Variants in CACNA1D observed in about 807,000 individuals in gnomAD.
The protein encoded by CACNA1D is voltage-dependent L-type calcium channel subunit alpha-1D.
In CACNA1D, 55 loss-of-function variants were observed where a neutral mutation model predicts 257.1. The ratio of observed to expected loss-of-function variants is 0.21; its 90% CI spans 0.17 to 0.27. The LOEUF (loss-of-function observed/expected upper bound fraction) is 0.27, where lower values mean the gene tolerates loss of function less well. Ranked by LOEUF, CACNA1D falls within the 10% of genes least tolerant of loss-of-function variation. The pLI is 1.00. For synonymous variants in CACNA1D, 980 were observed against 1,014.9 expected (o/e 0.97, Z 0.65); for missense variants, 1,876 against 2,784.0 (o/e 0.67, Z 7.34).
At chr3:53,502,438 T>C (rs2090644641) in intron 3 of CACNA1D, among the ~76,000 whole-genome samples, 1 of 152,000 alleles carries the variant, frequency 6.6e-6, no homozygotes, top group Non-Finnish European at 1.5e-5. Flanking sequence ...AGCTAGTCCC[T>C]AAAAGTAATC....
chr3:53,544,889 G>A (rs1051323284), intron 3 of CACNA1D, among the ~76,000 whole-genome samples: 14 of 152,298 alleles, frequency 9.2e-5, no homozygotes, highest in South Asian at 8.3e-4. Flanking sequence ...CCACTGGAGC[G>A]TCTACCTCAT....
At chr3:53,687,057 A>G (rs887672694) in intron 8 of CACNA1D, among the ~76,000 whole-genome samples, 5 of 152,020 alleles carry the variant, frequency 3.3e-5, no homozygotes, top group African/African-American at 1.2e-4. Context: ...TAGCATTCCT[A>G]ATAGGAATGA....
intron 3 of CACNA1D, among the ~76,000 whole-genome samples, chr3:53,554,080 C>T (rs868633478): frequency 3.3e-5 from 5 of 151,816 alleles, no homozygotes; most frequent in Middle Eastern, 3.4e-3. Context: ...CCTATAGTCC[C>T]AGCTACTTGG....
In CACNA1D at chr3:53,533,438, T is replaced by C. The variant is rs2092013720; in HGVS notation, c.483+31718T>C. Among the ~76,000 whole-genome samples the C allele has an allele frequency of 1.3e-5, 2 of 152,230 alleles. 1 individual carries two copies. Among genetic ancestry groups the C allele is most frequent in the South Asian group, 4.1e-4 (2 of 4,830 alleles). On this transcript the variant is annotated intron_variant, in intron 3 of 47. Coordinates refer to ENST00000350061, the MANE Select transcript of CACNA1D (RefSeq NM_001128840.3). The stretch of plus-strand genomic sequence containing the variant: ...ATTTTTGTATTCTCTTGTATTATGT[T>C]ATTCCCTATCAGATGGTCTTTGCAG...
At chr3:53,503,035 A>T (rs1250363222) in intron 3 of CACNA1D, among the ~76,000 whole-genome samples, 1 of 152,176 alleles carries the variant, frequency 6.6e-6, no homozygotes, top group Non-Finnish European at 1.5e-5. Context: ...TGGCTTCTGA[A>T]GATAGTGAAA....
intron 3 of CACNA1D, among the ~76,000 whole-genome samples, chr3:53,552,500 C>T (rs960008181): frequency 1.3e-5 from 2 of 152,206 alleles, no homozygotes. Flanking sequence ...CCTGCCTCAA[C>T]CTCCCAAGTA....
intron 3 of CACNA1D, among the ~76,000 whole-genome samples, chr3:53,616,178 C>A (rs1325161113): frequency 6.6e-6 from 1 of 152,120 alleles, no homozygotes. Context: ...AAGGGCTGTG[C>A]ACGTAGCAGG....
chr3:53,541,485 G>A (rs1310752239), intron 3 of CACNA1D, among the ~76,000 whole-genome samples: 1 of 152,130 alleles, frequency 6.6e-6, no homozygotes, highest in Non-Finnish European at 1.5e-5. Context: ...ATCCCCTGTC[G>A]TGTTGTGAAA....
chr3:53,643,891 G>A lies in CACNA1D; in HGVS notation c.484-6888G>A, dbSNP rs547447499. 4.3e-4 allele frequency among the ~76,000 whole-genome samples: 65 copies of A among 152,280 alleles called. 1 individual carries two copies. Among genetic ancestry groups the A allele is most frequent in the African/African-American group, 1.5e-3 (63 of 41,570 alleles). On this transcript the variant is annotated intron_variant, in intron 3 of 47. Transcript: ENST00000350061. ...GGAACACCCTGCCTGGAGCAGGGAG[G>A]GCCATGATGAGGGAGCAGGTGGCTG...
rs73842070 is a variant in CACNA1D at position 53,694,430 on chromosome 3, T to G, written c.1221-8211T>G. 7.5e-3 allele frequency among the ~76,000 whole-genome samples: 1,141 copies of G among 152,226 alleles called. 10 individuals are homozygous for G. The highest frequency in any genetic ancestry group is 0.025 in the African/African-American group (1,047 of 41,526). On this transcript the variant is annotated intron_variant, in intron 8 of 47. Transcript: ENST00000350061. ...GAGCAGAGCTGGGCTTTATGCCCTG[T>G]CCTCCCTCCCTGGTCCTGATTCATG...
At chr3:53,725,842 C>T (rs1559577546) in intron 14 of CACNA1D, among the ~76,000 whole-genome samples, 1 of 152,148 alleles carries the variant, frequency 6.6e-6, no homozygotes, top group Non-Finnish European at 1.5e-5. Context: ...GATAAAGGAG[C>T]TCTGTCTGTC....
chr3:53,776,784 C>G, intron 36 of CACNA1D, 54 bp downstream of exon 36: 1 of 1,613,956 alleles, frequency 6.2e-7, no homozygotes. Flanking sequence ...GGAATGTCAG[C>G]TTTTTTTGTG....
chr3:53,635,021 T>C (rs2093865828), intron 3 of CACNA1D, among the ~76,000 whole-genome samples: 1 of 152,174 alleles, frequency 6.6e-6, no homozygotes, highest in African/African-American at 2.4e-5. Context: ...AAACATATGT[T>C]AAAAATTACA....
At chr3:53,738,790 G>A (rs1408382623) in intron 20 of CACNA1D, among the ~76,000 whole-genome samples, 1 of 151,978 alleles carries the variant, frequency 6.6e-6, no homozygotes, top group East Asian at 1.9e-4. Flanking sequence ...TGCAAGCAGA[G>A]TGAGGGAAAA....
chr3:53,614,303 G>C (rs921613541), intron 3 of CACNA1D, among the ~76,000 whole-genome samples: 1 of 152,168 alleles, frequency 6.6e-6, no homozygotes, highest in Non-Finnish European at 1.5e-5. Context: ...AGTCTCTCTG[G>C]TCCTGTGCTG....
intron 29 of CACNA1D, among the ~76,000 whole-genome samples, chr3:53,758,264 T>G (rs1214816672): frequency 6.6e-6 from 1 of 152,192 alleles, no homozygotes; most frequent in Non-Finnish European, 1.5e-5. Flanking sequence ...GGTTATCACT[T>G]GGGTCAAATG....
chr3:53,570,397 T>C lies in CACNA1D; in HGVS notation c.483+68677T>C, dbSNP rs1470729954. 2.6e-5 allele frequency among the ~76,000 whole-genome samples: 4 copies of C among 152,350 alleles called. No homozygotes were observed. In the East Asian group the frequency reaches 7.7e-4, roughly 29 times the overall value. On this transcript the variant is annotated intron_variant, in intron 3 of 47. Coordinates refer to ENST00000350061, the MANE Select transcript of CACNA1D (RefSeq NM_001128840.3). ...TCCATGAATACTTGGTTACTTGTTT[T>C]TGCTCCAGAGATACTTAACTGAACT...
chr3:53,783,587 T>C (rs1183029934), intron 39 of CACNA1D, among the ~76,000 whole-genome samples: 2 of 152,186 alleles, frequency 1.3e-5, no homozygotes, highest in African/African-American at 4.8e-5. Context: ...CTGCCTGTGT[T>C]GAGTGATGTG....
Position 53,770,654 on chromosome 3 carries a change from C to T in CACNA1D, c.4044+102C>T. 5.8e-6 allele frequency: 6 copies of T among 1,028,870 alleles called. No homozygotes were observed. In the South Asian group the frequency reaches 7.8e-5, roughly 13 times the overall value. The allele number at this position is 1,028,870 out of a possible 1,614,324, so 63.7% of individuals were successfully genotyped here. A position where few individuals can be genotyped will look rare whatever the true frequency, so the allele number is the denominator to read the frequency against. On this transcript the variant is annotated intron_variant, in intron 32 of 47. Coordinates refer to ENST00000350061, the MANE Select transcript of CACNA1D (RefSeq NM_001128840.3). The stretch of plus-strand genomic sequence containing the variant: ...GACCCAGGCTCCCCCTGTGTGGCCA[C>T]TCTGTGGACCTAAATCAATAGAAAA...
Sources: allele counts gnomAD v4.1 joint callset (sites outside exome capture counted in the v4.1 genomes callset), GRCh38; gene constraint gnomAD v4.1.1; transcripts MANE v1.5; gene names NCBI Gene and HGNC (gene_info 2026-07-23, HGNC 2026-07-21).